TMEFF2: variants seen among roughly 807,000 people sequenced by gnomAD.
TMEFF2 encodes the protein transmembrane protein with EGF like and two follistatin like domains 2, also known as tomoregulin-2.
TMEFF2 carries 28 observed loss-of-function variants against 53.8 expected under a neutral mutation model. The observed-to-expected ratio is 0.52, with a 90% confidence interval of 0.39 to 0.71. TMEFF2 has a LOEUF of 0.71. Ranked by LOEUF, TMEFF2 falls within the 30% of genes least tolerant of loss-of-function variation. The pLI, the probability that TMEFF2 is intolerant of heterozygous loss-of-function variation, is 0.00. For missense variants in TMEFF2, 353 were observed against 455.2 expected, an observed-to-expected ratio of 0.78 and a Z score of 2.04; for synonymous variants, 162 against 166.3, an observed-to-expected ratio of 0.97 and a Z score of 0.20.
chr2:192,134,617 C>A (rs967007599), intron 4 of TMEFF2, among the ~76,000 whole-genome samples: 1 of 152,276 alleles, frequency 6.6e-6, no homozygotes, highest in Middle Eastern at 3.4e-3. Flanking sequence ...ACTTCAAGCT[C>A]GAAGCTTTGC....
At chr2:192,077,753 CAT>C (rs768473970) in intron 4 of TMEFF2, among the ~76,000 whole-genome samples, 16 of 151,796 alleles carry the variant, frequency 1.1e-4, no homozygotes, top group Non-Finnish European at 1.6e-4. Flanking sequence ...TATAAATGAA[CAT>C]ATGTGTTCAT....
At chr2:192,122,980 T>C (rs144061975) in intron 4 of TMEFF2, among the ~76,000 whole-genome samples, 3 of 152,324 alleles carry the variant, frequency 2.0e-5, no homozygotes, top group African/African-American at 7.2e-5. Flanking sequence ...CTCTGAGCTC[T>C]ATAGCAGCCA....
intron 4 of TMEFF2, among the ~76,000 whole-genome samples, chr2:192,058,105 CCTCT>C (rs1161661224): frequency 6.6e-6 from 1 of 152,170 alleles, no homozygotes; most frequent in Non-Finnish European, 1.5e-5. Flanking sequence ...TAAATTTTCA[CCTCT>C]CTGAGGGAGA....
chr2:192,168,799 G>A (rs73984904), intron 4 of TMEFF2, among the ~76,000 whole-genome samples: 11,692 of 151,478 alleles, frequency 0.077, 561 homozygotes, highest in South Asian at 0.1. Flanking sequence ...GAAACATTTA[G>A]AAATTTAAGC....
intron 7 of TMEFF2, among the ~76,000 whole-genome samples, chr2:191,964,337 T>C (rs549817614): frequency 3.8e-3 from 105 of 27,366 alleles, no homozygotes; most frequent in African/African-American, 0.013. Context: ...TCTTTCCTTC[T>C]TTCTTTCTTT....
At chr2:192,111,874 T>C (rs1221099088) in intron 4 of TMEFF2, among the ~76,000 whole-genome samples, 1 of 152,188 alleles carries the variant, frequency 6.6e-6, no homozygotes, top group African/African-American at 2.4e-5. Context: ...GGGCTGTGGC[T>C]TCAGTGGGTG....
At chr2:192,146,924 TA>T (rs1170610879) in intron 4 of TMEFF2, among the ~76,000 whole-genome samples, 1 of 152,126 alleles carries the variant, frequency 6.6e-6, no homozygotes, top group Non-Finnish European at 1.5e-5. Flanking sequence ...GGAAAAATTG[TA>T]ACTATAATAA....
At chr2:192,192,856 G>A (rs1055307320) in intron 1 of TMEFF2, among the ~76,000 whole-genome samples, 4 of 152,154 alleles carry the variant, frequency 2.6e-5, no homozygotes, top group Non-Finnish European at 5.9e-5. Flanking sequence ...CAATAGCAAA[G>A]TGAAACTTAT....
At chr2:191,972,273 T>C (rs1262246495) in intron 7 of TMEFF2, among the ~76,000 whole-genome samples, 1 of 149,026 alleles carries the variant, frequency 6.7e-6, no homozygotes, top group East Asian at 2.0e-4. Context: ...GCCTCCCGAA[T>C]AGCTGGGATT....
intron 5 of TMEFF2, among the ~76,000 whole-genome samples, chr2:192,049,377 CTG>C (rs1407579647): frequency 6.6e-6 from 1 of 152,118 alleles, no homozygotes; most frequent in Non-Finnish European, 1.5e-5. Context: ...ATTCATAAGA[CTG>C]TGGTGAGGAT....
intron 4 of TMEFF2, among the ~76,000 whole-genome samples, chr2:192,070,974 G>A (rs576411850): frequency 1.3e-5 from 2 of 151,724 alleles, no homozygotes; most frequent in Non-Finnish European, 2.9e-5. Context: ...AAAGTGACAC[G>A]GGGTCACTTC....
chr2:191,956,502 T>C, intron 7 of TMEFF2, 124 bp from the exon 8 acceptor site: 1 of 1,097,762 alleles, frequency 9.1e-7, no homozygotes, highest in East Asian at 2.6e-5. Flanking sequence ...TAAAGGGCTA[T>C]GCTTCAGAAA....
chr2:192,008,257 A>C (rs1353770177), intron 5 of TMEFF2, among the ~76,000 whole-genome samples: 1 of 152,196 alleles, frequency 6.6e-6, no homozygotes, highest in Admixed American at 6.5e-5. Context: ...ATTAACGCCC[A>C]CTGTGTTAGT....
intron 5 of TMEFF2, among the ~76,000 whole-genome samples, chr2:192,048,870 T>TTC (rs1246764197): frequency 6.6e-6 from 1 of 152,208 alleles, no homozygotes; most frequent in East Asian, 1.9e-4. Flanking sequence ...CTATGCAACC[T>TTC]TAAGTCTAGT....
chr2:191,953,607 G>A, intron 9 of TMEFF2, 72 bp downstream of exon 9: 1 of 1,545,596 alleles, frequency 6.5e-7, no homozygotes, highest in Non-Finnish European at 8.8e-7. Flanking sequence ...ACTCACCTCG[G>A]AGGGATCTGA....
intron 4 of TMEFF2, among the ~76,000 whole-genome samples, chr2:192,169,059 G>A (rs939163135): frequency 1.3e-5 from 2 of 152,004 alleles, no homozygotes; most frequent in African/African-American, 4.8e-5. Flanking sequence ...CATTGGTTCA[G>A]CTGAGCAAAT....
At chr2:192,096,670 C>CTTTTTTTTT (rs1179296312) in intron 4 of TMEFF2, among the ~76,000 whole-genome samples, 2 of 53,702 alleles carry the variant, frequency 3.7e-5, no homozygotes, top group African/African-American at 1.4e-4. Context: ...CTCTCTCTCT[C>CTTTTTTTTT]TTTTTTTTTT....
chr2:192,086,385 C>T (rs1688670341), intron 4 of TMEFF2, among the ~76,000 whole-genome samples: 1 of 152,082 alleles, frequency 6.6e-6, no homozygotes, highest in Non-Finnish European at 1.5e-5. Context: ...ATCCTTCTGA[C>T]AAGGTTTTTG....
chr2:192,016,301 CCTTT>C (rs1361571020), intron 5 of TMEFF2, among the ~76,000 whole-genome samples: 4 of 152,146 alleles, frequency 2.6e-5, no homozygotes, highest in Admixed American at 6.6e-5. Context: ...TACATGTCTA[CCTTT>C]CTTTATTAAC....
Sources: allele counts gnomAD v4.1 joint callset (sites outside exome capture counted in the v4.1 genomes callset), GRCh38; gene constraint gnomAD v4.1.1; transcripts MANE v1.5; gene names NCBI Gene and HGNC (gene_info 2026-07-23, HGNC 2026-07-21).